The following CYTH1 variants were observed in gnomAD, a reference collection of about 807,000 sequenced individuals.
CYTH1 encodes cytohesin 1.
A neutral mutation model predicts 61.8 loss-of-function variants in CYTH1; 18 were observed. The ratio of observed to expected loss-of-function variants is 0.29; its 90% CI spans 0.20 to 0.43. The LOEUF is 0.43. Ranked by LOEUF, CYTH1 falls within the 20% of genes least tolerant of loss-of-function variation. CYTH1 has a pLI of 1.00. For missense variants in CYTH1, 336 were observed against 510.5 expected, an observed-to-expected ratio of 0.66 and a Z score of 3.29; for synonymous variants, 174 against 184.3, an observed-to-expected ratio of 0.94 and a Z score of 0.45.
intron 1 of CYTH1, among the ~76,000 whole-genome samples, chr17:78,731,438 T>C (rs570129166): frequency 5.3e-5 from 8 of 152,166 alleles, no homozygotes; most frequent in East Asian, 1.9e-4. Flanking sequence ...CAGGAGAAGA[T>C]GGTGGCAGTT....
intron 1 of CYTH1, among the ~76,000 whole-genome samples, chr17:78,748,178 A>G (rs1198936163): frequency 6.6e-6 from 1 of 152,162 alleles, no homozygotes; most frequent in Non-Finnish European, 1.5e-5. Context: ...ATGCTGACCC[A>G]CATTTGTGGT....
In CYTH1 at chr17:78,680,254, G is replaced by T; in HGVS notation, c.1054C>A (p.His352Asn). 6.2e-7 allele frequency: 1 copy of T among 1,614,182 alleles called. No homozygotes were observed. The highest frequency in any genetic ancestry group is 8.5e-7 in the Non-Finnish European group (1 of 1,180,034). ...GGAGCTGAGATCCGGTAAACAGTGTGGTTCCCCTCCACCACCCGCCCGTCA... is the reference window on the plus strand; with the variant it reads ...GGAGCTGAGATCCGGTAAACAGTGTTGTTCCCCTCCACCACCCGCCCGTCA... ...EADGRVVEGN[H>N]TVYRISAPTP... Residue 352 changes from histidine to asparagine, a missense_variant, in exon 13 of 14, where the codon CAC (histidine) becomes AAC (asparagine). By Grantham distance (68) the His-to-Asn change is moderately conservative (BLOSUM62 1). Transcript: ENST00000446868.
intron 1 of CYTH1, among the ~76,000 whole-genome samples, chr17:78,711,950 A>G (rs2093137033): frequency 6.6e-6 from 1 of 151,776 alleles, no homozygotes; most frequent in Non-Finnish European, 1.5e-5. Flanking sequence ...ATGGTGGCAC[A>G]TGCCTGTAGT....
At position 78,780,793 on chromosome 17, in the gene CYTH1, G is replaced by C. The variant is rs573092911; in HGVS notation, c.22+1409C>G. On this transcript the variant is annotated intron_variant, in intron 1 of 13. Transcript: ENST00000446868. ...AGGCCGAGGCGGGTGGATCACCTGA[G>C]GTCAGAAGTTCAAGACCAGCCTGGC... 2.9e-3 allele frequency among the ~76,000 whole-genome samples: 440 copies of C among 152,244 alleles called. 2 individuals are homozygous for C. Among genetic ancestry groups the C allele is most frequent in the African/African-American group, 9.9e-3 (411 of 41,542 alleles).
intron 1 of CYTH1, among the ~76,000 whole-genome samples, chr17:78,741,844 A>G (rs1567870575): frequency 6.6e-6 from 1 of 152,208 alleles, no homozygotes; most frequent in East Asian, 1.9e-4. Context: ...GGAGCCGGAC[A>G]GGAAGTAGAG....
At chr17:78,703,411 C>CAAAAA (rs67437891) in intron 3 of CYTH1, among the ~76,000 whole-genome samples, 1 of 69,688 alleles carries the variant, frequency 1.4e-5, no homozygotes, top group Non-Finnish European at 2.6e-5. Flanking sequence ...ACTCCGTCTC[C>CAAAAA]AAAAAAAAAA....
At chr17:78,774,249 T>C (rs1399178683) in intron 1 of CYTH1, among the ~76,000 whole-genome samples, 2 of 152,178 alleles carry the variant, frequency 1.3e-5, no homozygotes. Flanking sequence ...TGAGAATATA[T>C]CTTAAAGACC....
intron 1 of CYTH1, among the ~76,000 whole-genome samples, chr17:78,778,096 A>G (rs918087955): frequency 6.6e-6 from 1 of 152,014 alleles, no homozygotes; most frequent in Admixed American, 6.6e-5. Flanking sequence ...TGAGGTCAGG[A>G]GTTCAAGACC....
At chr17:78,711,934 C>G (rs1016528564) in intron 1 of CYTH1, among the ~76,000 whole-genome samples, 23 of 151,838 alleles carry the variant, frequency 1.5e-4, no homozygotes, top group Non-Finnish European at 3.1e-4. Context: ...CAAAAATTAG[C>G]TGGGCATGGT....
chr17:78,706,031 T>C (rs1002479738), intron 3 of CYTH1, among the ~76,000 whole-genome samples: 2 of 152,242 alleles, frequency 1.3e-5, no homozygotes, highest in Admixed American at 1.3e-4. Context: ...TAAGTGTTTA[T>C]GAGAAATTTG....
chr17:78,728,136 G>C (rs2093276017), intron 1 of CYTH1, among the ~76,000 whole-genome samples: 1 of 152,340 alleles, frequency 6.6e-6, no homozygotes, highest in South Asian at 2.1e-4. Context: ...GGTTCCTGCA[G>C]CAGGGCCAGC....
At chr17:78,736,867 C>T (rs1009058068) in intron 1 of CYTH1, 9 of 195,148 alleles carry the variant, frequency 4.6e-5, no homozygotes, top group Non-Finnish European at 9.2e-5. Flanking sequence ...CAGCTCAGAG[C>T]TGCTTCCTGA....
At chr17:78,692,345 G>A in intron 11 of CYTH1, 72 bp downstream of exon 11, 1 of 1,480,848 alleles carries the variant, frequency 6.8e-7, no homozygotes, top group Middle Eastern at 1.7e-4. Context: ...CCTCAACCAT[G>A]TCTGATTAGA....
intron 1 of CYTH1, among the ~76,000 whole-genome samples, chr17:78,713,812 A>C (rs2093157873): frequency 6.6e-6 from 1 of 150,806 alleles, no homozygotes; most frequent in South Asian, 2.1e-4. Context: ...TGAGAAGCCA[A>C]CTTGTATCAT....
At chr17:78,749,020 C>G (rs1259069764) in intron 1 of CYTH1, among the ~76,000 whole-genome samples, 1 of 152,190 alleles carries the variant, frequency 6.6e-6, no homozygotes, top group East Asian at 1.9e-4. Context: ...CCAACACACC[C>G]ACATACTGTG....
At chr17:78,677,288 G>C (rs556545991) in intron 13 of CYTH1, 17 of 360,378 alleles carry the variant, frequency 4.7e-5, no homozygotes, top group Middle Eastern at 9.9e-4. Flanking sequence ...GGTAAGCTGG[G>C]GGGTTCTGCA....
intron 9 of CYTH1, among the ~76,000 whole-genome samples, chr17:78,697,698 C>T (rs2092955393): frequency 6.6e-6 from 1 of 151,984 alleles, no homozygotes; most frequent in Non-Finnish European, 1.5e-5. Context: ...GCCATGCACA[C>T]TGCCTGTGGG....
chr17:78,780,525 A>G (rs1020686014), intron 1 of CYTH1, among the ~76,000 whole-genome samples: 1 of 152,040 alleles, frequency 6.6e-6, no homozygotes, highest in East Asian at 1.9e-4. Flanking sequence ...CAAAAACACA[A>G]CAAAACAAAC....
At chr17:78,690,861 C>T (rs1334935377) in intron 11 of CYTH1, among the ~76,000 whole-genome samples, 2 of 152,040 alleles carry the variant, frequency 1.3e-5, no homozygotes, top group Non-Finnish European at 2.9e-5. Context: ...TAGGATTGTC[C>T]AGGACTTAGA....
Sources: allele counts gnomAD v4.1 joint callset (sites outside exome capture counted in the v4.1 genomes callset), GRCh38; gene constraint gnomAD v4.1.1; transcripts MANE v1.5; gene names NCBI Gene and HGNC (gene_info 2026-07-23, HGNC 2026-07-21).